Variants in CPEB3 observed in about 807,000 individuals in gnomAD.
CPEB3 encodes cytoplasmic polyadenylation element binding protein 3.
CPEB3 carries 20 observed loss-of-function variants against 67.2 expected under a neutral mutation model. The observed-to-expected ratio is 0.30, with a 90% CI of 0.21 to 0.43. The LOEUF (loss-of-function observed/expected upper bound fraction) is 0.43, where lower values mean the gene tolerates loss of function less well. Among genes scored for constraint, CPEB3 ranks in the 20% least tolerant of loss-of-function variants. CPEB3 has a pLI of 1.00. For synonymous variants in CPEB3, 376 were observed against 393.1 expected (o/e 0.96, Z 0.51); for missense variants, 746 against 968.6 (o/e 0.77, Z 3.05).
At chr10:92,137,565 G>C in intron 6 of CPEB3, 1 of 746,166 alleles carries the variant, frequency 1.3e-6, no homozygotes, top group African/African-American at 1.7e-5. Context: ...CTGTCAAGAA[G>C]GAAGAGTTGA....
At chr10:92,251,374 C>G (rs934146833) in intron 1 of CPEB3, among the ~76,000 whole-genome samples, 4 of 152,130 alleles carry the variant, frequency 2.6e-5, no homozygotes, top group Non-Finnish European at 5.9e-5. Context: ...ATTCTCTCTT[C>G]TCTCTTCTCT....
Position 92,239,911 on chromosome 10 carries a change from A to C in CPEB3, c.440T>G (p.Phe147Cys). 2 of 1,613,162 alleles carry C rather than the reference A, an allele frequency of 1.2e-6. No individual in the cohort carries two copies. Among genetic ancestry groups the C allele is most frequent in the Non-Finnish European group, 1.7e-6 (2 of 1,179,572 alleles). Residue 147 changes from phenylalanine (F) to cysteine (C), a missense_variant, in exon 2 of 10, where the codon TTC becomes TGC. Transcript: ENST00000265997. This position sits in a 1 kb window ranked among gnomAD's most constrained non-coding sequence, Gnocchi z 6.0. Reference protein sequence around the residue: ...QNFPHHVNPVFGGTFSPQIGL... With the variant: ...QNFPHHVNPVCGGTFSPQIGL... The stretch of plus-strand genomic sequence containing the variant: ...GATCTGCGGGGAGAAAGTGCCTCCG[A>C]AGACTGGGTTGACATGGTGCGGGAA...
intron 9 of CPEB3, among the ~76,000 whole-genome samples, chr10:92,077,469 A>G (rs138736748): frequency 1.3e-5 from 2 of 152,210 alleles, no homozygotes; most frequent in African/African-American, 4.8e-5. Context: ...TAAAGAAAGG[A>G]TGTTGGGCCG....
At chr10:92,116,579 A>C (rs966577113) in intron 6 of CPEB3, among the ~76,000 whole-genome samples, 1 of 152,164 alleles carries the variant, frequency 6.6e-6, no homozygotes, top group African/African-American at 2.4e-5. Context: ...TGGCCAAAAA[A>C]TTATCAACTT....
chr10:92,186,094 G>A (rs1454130684), intron 3 of CPEB3, among the ~76,000 whole-genome samples: 1 of 151,514 alleles, frequency 6.6e-6, no homozygotes, highest in African/African-American at 2.4e-5. Flanking sequence ...TCCCAGCCTG[G>A]TGTGCACTGG....
At chr10:92,252,515 C>T (rs1376730415) in intron 1 of CPEB3, among the ~76,000 whole-genome samples, 1 of 152,066 alleles carries the variant, frequency 6.6e-6, no homozygotes, top group Non-Finnish European at 1.5e-5. Context: ...ATAGCCAAAC[C>T]TGAAAACAAC....
intron 1 of CPEB3, among the ~76,000 whole-genome samples, chr10:92,264,866 G>A (rs1411986748): frequency 1.3e-5 from 2 of 152,012 alleles, no homozygotes; most frequent in Non-Finnish European, 1.5e-5. Flanking sequence ...ATAGACTCTT[G>A]TCTATAAAAA....
intron 4 of CPEB3, among the ~76,000 whole-genome samples, chr10:92,148,190 A>C (rs1846781933): frequency 6.6e-6 from 1 of 152,128 alleles, no homozygotes; most frequent in Non-Finnish European, 1.5e-5. Context: ...CAAAAACATA[A>C]CTGTGAACTG....
intron 1 of CPEB3, among the ~76,000 whole-genome samples, chr10:92,245,686 T>G (rs1852029282): frequency 6.6e-6 from 1 of 152,194 alleles, no homozygotes; most frequent in East Asian, 1.9e-4. Flanking sequence ...AGGTTAATGT[T>G]ATTCCTGAAG....
chr10:92,088,037 A>C (rs2133269790), intron 8 of CPEB3, among the ~76,000 whole-genome samples: 1 of 152,286 alleles, frequency 6.6e-6, no homozygotes, highest in South Asian at 2.1e-4. Context: ...CAGGCAAACC[A>C]TCGTTGGCTT....
chr10:92,135,065 G>A (rs891899616), intron 6 of CPEB3, among the ~76,000 whole-genome samples: 1 of 151,950 alleles, frequency 6.6e-6, no homozygotes, highest in Non-Finnish European at 1.5e-5. Flanking sequence ...AAAACCCTAG[G>A]AGAAAACCTA....
intron 2 of CPEB3, chr10:92,216,581 GAC>G: frequency 6.2e-7 from 1 of 1,611,328 alleles, no homozygotes; most frequent in East Asian, 2.2e-5. Context: ...TTTGGCAGGA[GAC>G]ACACTGCCCA....
chr10:92,182,625 A>G (rs1310306405), intron 3 of CPEB3, among the ~76,000 whole-genome samples: 1 of 152,190 alleles, frequency 6.6e-6, no homozygotes, highest in Non-Finnish European at 1.5e-5. Context: ...CATGAGTTAG[A>G]GACCAGCCTG....
intron 1 of CPEB3, 37 bp from the exon 2 acceptor site, chr10:92,240,398 T>C (rs1435668776): frequency 4.9e-6 from 7 of 1,434,876 alleles, no homozygotes; most frequent in Middle Eastern, 3.7e-4. Context: ...TTATTGTCAA[T>C]GTGATCATGA....
chr10:92,237,548 T>C (rs536615642), intron 2 of CPEB3, among the ~76,000 whole-genome samples: 1 of 152,196 alleles, frequency 6.6e-6, no homozygotes, highest in Non-Finnish European at 1.5e-5. Flanking sequence ...TGCCAGGAGA[T>C]AATTCACCAA....
chr10:92,060,354 T>C (rs771270251), intron 9 of CPEB3, among the ~76,000 whole-genome samples: 13 of 151,942 alleles, frequency 8.6e-5, no homozygotes, highest in Non-Finnish European at 1.8e-4. Flanking sequence ...TGTCTAAAAA[T>C]ATATATATAA....
chr10:92,217,306 G>C (rs1340561508), intron 2 of CPEB3, among the ~76,000 whole-genome samples: 1 of 147,422 alleles, frequency 6.8e-6, no homozygotes, highest in Non-Finnish European at 1.5e-5. Context: ...TTCCCAACTT[G>C]AGAGCCATGC....
intron 2 of CPEB3, among the ~76,000 whole-genome samples, chr10:92,196,136 A>G (rs929798683): frequency 7.9e-5 from 12 of 152,228 alleles, no homozygotes; most frequent in African/African-American, 2.9e-4. Context: ...AACCTACTTA[A>G]TCATAATTTA....
intron 4 of CPEB3, among the ~76,000 whole-genome samples, chr10:92,169,180 A>C (rs1258482333): frequency 3.0e-4 from 41 of 136,510 alleles, no homozygotes; most frequent in East Asian, 8.9e-4. Flanking sequence ...CTCTTATTGC[A>C]CAGGCTAGAG....
Sources: allele counts gnomAD v4.1 joint callset (sites outside exome capture counted in the v4.1 genomes callset), GRCh38; gene constraint gnomAD v4.1.1; non-coding constraint Gnocchi (gnomAD v3.1); transcripts MANE v1.5; gene names NCBI Gene and HGNC (gene_info 2026-07-23, HGNC 2026-07-21).